The following FAT4 variants were observed in gnomAD, a reference collection of about 807,000 sequenced individuals.
FAT4 encodes FAT atypical cadherin 4, also known as protocadherin Fat 4.
FAT4 carries 84 observed loss-of-function variants against 303.9 expected under a neutral mutation model. The ratio of observed to expected loss-of-function variants is 0.28; its 90% confidence interval spans 0.23 to 0.33. The LOEUF is 0.33. Ranked by LOEUF, FAT4 falls within the 10% of genes least tolerant of loss-of-function variation. The pLI is 1.00. For missense variants in FAT4, 6,005 were observed against 6,146.8 expected, an observed-to-expected ratio of 0.98 and a Z score of 0.77; for synonymous variants, 2,307 against 2,298.8, an observed-to-expected ratio of 1.00 and a Z score of -0.10.
chr4:125,469,140 T>C (rs540710608), intron 12 of FAT4, among the ~76,000 whole-genome samples: 52 of 152,188 alleles, frequency 3.4e-4, no homozygotes, highest in Admixed American at 2.6e-4. Context: ...TATTTCTGCC[T>C]TGACTGAAGA....
At chr4:125,376,427 C>T (rs1454155801) in intron 2 of FAT4, among the ~76,000 whole-genome samples, 2 of 151,804 alleles carry the variant, frequency 1.3e-5, no homozygotes, top group Non-Finnish European at 2.9e-5. Flanking sequence ...ACACCGGGGC[C>T]TGTCGTGACC....
intron 3 of FAT4, among the ~76,000 whole-genome samples, chr4:125,405,524 T>C (rs1286688861): frequency 6.6e-6 from 1 of 152,114 alleles, no homozygotes; most frequent in Non-Finnish European, 1.5e-5. Context: ...GCCTTTTTTT[T>C]TTTGAGACAA....
At chr4:125,376,622 TG>T (rs1286936555) in intron 2 of FAT4, among the ~76,000 whole-genome samples, 1 of 152,036 alleles carries the variant, frequency 6.6e-6, no homozygotes, top group African/African-American at 2.4e-5. Context: ...TAAATAGGCC[TG>T]GCGCGGTGGC....
At chr4:125,332,704 T>A (rs1221413098) in intron 2 of FAT4, among the ~76,000 whole-genome samples, 1 of 152,100 alleles carries the variant, frequency 6.6e-6, no homozygotes, top group African/African-American at 2.4e-5. Flanking sequence ...GTCCATGACT[T>A]AATGCAGTTT....
chr4:125,412,643 G>A (rs1212752479), intron 5 of FAT4, among the ~76,000 whole-genome samples: 4 of 151,720 alleles, frequency 2.6e-5, no homozygotes, highest in Non-Finnish European at 4.4e-5. Flanking sequence ...TTTTGCCTCT[G>A]CAATTTAGCT....
At chr4:125,374,922 A>C (rs2125994315) in intron 2 of FAT4, among the ~76,000 whole-genome samples, 1 of 152,320 alleles carries the variant, frequency 6.6e-6, no homozygotes, top group South Asian at 2.1e-4. Context: ...TCATATTAAC[A>C]CATAGAAAAA....
rs144302520 is a variant in FAT4, at chr4:125,399,298, T to A, written c.5307+383T>A. Among the ~76,000 whole-genome samples the A allele has an allele frequency of 7.9e-4, 120 of 152,240 alleles. No homozygotes were observed. The East Asian group carries it at 0.022, about 28-fold the overall frequency. On this transcript the variant is annotated intron_variant, in intron 3 of 17. Transcript: ENST00000394329. ...TTGTAATTGTTAAAAGCAAATAATT[T>A]AAAACTACAGAATTTTAAGGTTTAG...
intron 2 of FAT4, among the ~76,000 whole-genome samples, chr4:125,374,927 G>GA (rs1454240307): frequency 2.0e-5 from 3 of 152,158 alleles, no homozygotes; most frequent in Middle Eastern, 3.4e-3. Flanking sequence ...TTAACACATA[G>GA]AAAAAAATGT....
chr4:125,348,252 C>G (rs1461760716), intron 2 of FAT4, among the ~76,000 whole-genome samples: 2 of 151,864 alleles, frequency 1.3e-5, no homozygotes, highest in Non-Finnish European at 2.9e-5. Context: ...ATGTTTATCA[C>G]ATAAATTGGA....
At chr4:125,464,507 T>C (rs994464475) in intron 11 of FAT4, among the ~76,000 whole-genome samples, 18 of 152,120 alleles carry the variant, frequency 1.2e-4, no homozygotes, top group African/African-American at 4.3e-4. Context: ...TTTGTCCCCT[T>C]TGTATATCTA....
rs1345921900 is a variant in FAT4 at position 125,450,825 on chromosome 4, C to T, written c.9815C>T (p.Ala3272Val). The T allele has an allele frequency of 6.2e-7, 1 of 1,614,106 alleles. No individual in the cohort carries two copies. Among genetic ancestry groups the T allele is most frequent in the African/African-American group, 1.3e-5 (1 of 75,038 alleles). Residue 3272 changes from alanine (A) to valine (V), a missense_variant, in exon 10 of 18, where the codon GCC becomes GTC. By Grantham distance (64) the Ala-to-Val change is moderately conservative. Coordinates refer to ENST00000394329, the MANE Select transcript of FAT4 (RefSeq NM_001291303.3). ...CAGAGCTACCATCTTACTGTGAAAG[C>T]CTTCAATGTCCCCGATGAGGAAAGG... ...TKQSYHLTVK[A>V]FNVPDEERCS...
At chr4:125,344,018 G>GT (rs1440259005) in intron 2 of FAT4, among the ~76,000 whole-genome samples, 3 of 152,090 alleles carry the variant, frequency 2.0e-5, no homozygotes, top group African/African-American at 7.2e-5. Flanking sequence ...AGTGTATTAG[G>GT]AGAGAGAGCC....
In FAT4 at chr4:125,465,831, C is replaced by A. The variant is rs774121669; in HGVS notation, c.11905+2164C>A. 2.4e-4 allele frequency among the ~76,000 whole-genome samples: 37 copies of A among 152,184 alleles called. No individual in the cohort carries two copies. The Middle Eastern group carries it at 0.014, about 56-fold the overall frequency. Reference sequence around the variant, plus strand: ...AGATATTGTCAGTTGACAACATAAGCACTTACAAAAGAAAACAAAAATCAC... The same window carrying A: ...AGATATTGTCAGTTGACAACATAAGAACTTACAAAAGAAAACAAAAATCAC... On this transcript the variant is annotated intron_variant, in intron 11 of 17. Transcript: ENST00000394329.
chr4:125,340,388 CTTT>C lies in FAT4; in HGVS notation c.5175+18813_5175+18815del, dbSNP rs11329246. 2.6e-3 allele frequency among the ~76,000 whole-genome samples: 387 copies of C among 148,382 alleles called. 1 individual carries two copies. Among genetic ancestry groups the C allele is most frequent in the African/African-American group, 8.4e-3 (341 of 40,410 alleles). On this transcript the variant is annotated intron_variant, in intron 2 of 17. Coordinates refer to ENST00000394329, the MANE Select transcript of FAT4 (RefSeq NM_001291303.3). Reference sequence around the variant, plus strand: ...GTAGAGCACATTGTAAGAAACAACTCTTTTTTTTTTTTTGAGACGGAGCCTCGC... The same window carrying C: ...GTAGAGCACATTGTAAGAAACAACTCTTTTTTTTTTGAGACGGAGCCTCGC...
intron 11 of FAT4, among the ~76,000 whole-genome samples, chr4:125,468,208 A>G (rs906618119): frequency 2.0e-5 from 3 of 152,138 alleles, no homozygotes; most frequent in Non-Finnish European, 4.4e-5. Flanking sequence ...TGGGAAAGAA[A>G]TCTCTTCAGA....
chr4:125,490,906 C>G lies in FAT4; in HGVS notation c.14090C>G (p.Pro4697Arg). Residue 4697 changes from proline to arginine, a missense_variant, in exon 18 of 18, where the codon CCC becomes CGC. Pro to Arg is a moderately radical substitution (Grantham distance 103). Coordinates refer to ENST00000394329, the MANE Select transcript of FAT4 (RefSeq NM_001291303.3). ...SSLSHSACPT[P>R]NPLSRHSPAP... is the part of the protein sequence containing the mutation. The stretch of plus-strand genomic sequence containing the variant: ...CTAAGCCACTCAGCATGCCCAACTC[C>G]CAACCCTCTGTCTCGACACAGTCCA... 1 of 1,614,182 alleles carries G rather than the reference C, an allele frequency of 6.2e-7. No individual in the cohort carries two copies. The highest frequency in any genetic ancestry group is 1.7e-5 in the Admixed American group (1 of 60,024).
intron 2 of FAT4, among the ~76,000 whole-genome samples, chr4:125,361,376 C>G (rs548188403): frequency 2.6e-5 from 4 of 152,170 alleles, no homozygotes; most frequent in South Asian, 4.1e-4. Flanking sequence ...CCGGAAGGCA[C>G]AGGGAGTGAG....
At position 125,415,144 on chromosome 4, in the gene FAT4, G is replaced by GA; in HGVS notation, c.6185dup (p.Asn2062LysfsTer5). ...TTCCCCTAAATTGACATACATTCCA[G>GA]AAAATACACCTATTGATACTGTTGT... On this transcript the variant is annotated frameshift_variant, in exon 6 of 18. Coordinates refer to ENST00000394329, the MANE Select transcript of FAT4 (RefSeq NM_001291303.3). LOFTEE classifies it high-confidence loss of function. 6.2e-7 allele frequency: 1 copy of GA among 1,613,962 alleles called. No homozygotes were observed. Among genetic ancestry groups the GA allele is most frequent in the African/African-American group, 1.3e-5 (1 of 75,008 alleles).
At chr4:125,400,386 C>G (rs1734340813) in intron 3 of FAT4, among the ~76,000 whole-genome samples, 1 of 151,930 alleles carries the variant, frequency 6.6e-6, no homozygotes, top group African/African-American at 2.4e-5. Flanking sequence ...TTCAGAGATT[C>G]CAACACTCAC....
Sources: gnomAD v4.1 joint callset for allele counts (sites outside exome capture counted in the v4.1 genomes callset) on GRCh38, gnomAD v4.1.1 for gene constraint, MANE v1.5 for transcripts, NCBI Gene and HGNC (gene_info 2026-07-23, HGNC 2026-07-21) for gene names.